Variants in RANGAP1 observed in about 807,000 individuals in gnomAD.
RANGAP1 encodes ran GTPase-activating protein 1.
Under a neutral mutation model 63.5 loss-of-function variants are expected in RANGAP1, and 38 were observed. That is an observed-to-expected ratio of 0.60 (90% CI 0.46 to 0.78). The LOEUF (loss-of-function observed/expected upper bound fraction) is 0.78. RANGAP1 is among the 30% of genes least tolerant of loss of function. RANGAP1 has a pLI of 0.00. For missense variants in RANGAP1, 630 were observed against 740.3 expected (o/e 0.85, Z 1.73); for synonymous variants, 329 against 310.5 (o/e 1.06, Z -0.63).
At chr22:41,299,908 C>T in the RANGAP1 span, among the ~76,000 whole-genome samples, 8,534 of 151,960 alleles carry the variant, frequency 0.056, 797 homozygotes, top group African/African-American at 0.2. Flanking sequence ...CCCGACACCA[C>T]GCCCAGCTTA....
chr22:41,293,760 CAA>C, the RANGAP1 span, among the ~76,000 whole-genome samples: 14 of 54,838 alleles, frequency 2.6e-4, no homozygotes, highest in African/African-American at 6.9e-4. Flanking sequence ...GACTCTGTCT[CAA>C]AAAAAAAAAA....
At chr22:41,276,966 C>T (rs1179131407) in intron 2 of RANGAP1, among the ~76,000 whole-genome samples, 1 of 123,902 alleles carries the variant, frequency 8.1e-6, no homozygotes, top group African/African-American at 3.1e-5. Context: ...GCCTGGGCTA[C>T]AGAGCGAGAC....
At chr22:41,280,785 T>C (rs749842786) in intron 2 of RANGAP1, 148 bp downstream of exon 2, 141 of 1,525,844 alleles carry the variant, frequency 9.2e-5, no homozygotes, top group South Asian at 7.3e-4. Flanking sequence ...CTGAGCCTCA[T>C]TGTTAGAATA....
chr22:41,300,428 T>TCACACACACACACACACACACA, the RANGAP1 span, among the ~76,000 whole-genome samples: 1 of 36,280 alleles, frequency 2.8e-5, no homozygotes, highest in East Asian at 2.9e-4. Flanking sequence ...TATTGGGAAC[T>TCACACACACACACACACACACA]CACACACACA....
chr22:41,267,171 G>C (rs1450912179), intron 4 of RANGAP1, among the ~76,000 whole-genome samples: 1 of 151,698 alleles, frequency 6.6e-6, no homozygotes, highest in African/African-American at 2.4e-5. Context: ...GAGCCACCAC[G>C]CCTGGCCAGA....
chr22:41,250,500 A>G (rs542661726), intron 13 of RANGAP1, among the ~76,000 whole-genome samples: 1 of 152,330 alleles, frequency 6.6e-6, no homozygotes, highest in African/African-American at 2.4e-5. Flanking sequence ...GGAAGGTGAC[A>G]GGTGCTGGAA....
At chr22:41,273,965 C>T (rs2034991664) in intron 3 of RANGAP1, among the ~76,000 whole-genome samples, 1 of 152,050 alleles carries the variant, frequency 6.6e-6, no homozygotes, top group Non-Finnish European at 1.5e-5. Context: ...GTAATCCCAG[C>T]TACTCAGGAG....
rs2035735383 is a variant in RANGAP1 at position 41,286,014 on chromosome 22, G to C, written c.-67C>G. On this transcript the variant is annotated 5_prime_UTR_variant, in exon 1 of 16. Coordinates refer to ENST00000356244, the MANE Select transcript of RANGAP1 (RefSeq NM_002883.4). ...AAACAGGCGGCGCCGCCGCGTGGGG[G>C]GAATCGAGCGCGCGCCTCCGCCCTC... 6.6e-6 allele frequency: 1 copy of C among 152,384 alleles called. No homozygotes were observed. Among genetic ancestry groups the C allele is most frequent in the African/African-American group, 2.4e-5 (1 of 41,462 alleles). 9.4% of individuals were successfully genotyped at this position (152,384 alleles called of 1,614,324 possible). A position where few individuals can be genotyped will look rare whatever the true frequency, so the allele number is the denominator to read the frequency against.
At chr22:41,282,868 G>GA (rs1402794566) in intron 1 of RANGAP1, among the ~76,000 whole-genome samples, 1 of 152,184 alleles carries the variant, frequency 6.6e-6, no homozygotes, top group Non-Finnish European at 1.5e-5. Flanking sequence ...AAGTAATCAG[G>GA]AGAGACCAAG....
At chr22:41,284,682 G>A (rs1029418052) in intron 1 of RANGAP1, among the ~76,000 whole-genome samples, 2 of 152,148 alleles carry the variant, frequency 1.3e-5, no homozygotes, top group Admixed American at 6.6e-5. Context: ...AACCAGCCTG[G>A]GCAGTATGCC....
At chr22:41,294,864 TC>T in the RANGAP1 span, among the ~76,000 whole-genome samples, 1 of 1,432 alleles carries the variant, frequency 7.0e-4, no homozygotes, top group Non-Finnish European at 1.4e-3. Context: ...GGCAGCCACC[TC>T]GTCCGGGAGG....
At chr22:41,254,968 T>TC (rs2033727822) in intron 10 of RANGAP1, among the ~76,000 whole-genome samples, 2 of 130,596 alleles carry the variant, frequency 1.5e-5, no homozygotes, top group Admixed American at 8.6e-5. Flanking sequence ...CGAGACTCCA[T>TC]CCCCCACAAA....
intron 15 of RANGAP1, among the ~76,000 whole-genome samples, chr22:41,246,970 G>T (rs2033080512): frequency 6.6e-6 from 1 of 152,224 alleles, no homozygotes; most frequent in Non-Finnish European, 1.5e-5. Context: ...GGCTGCCAGT[G>T]GCCACATAGG....
At chr22:41,281,470 T>C in intron 1 of RANGAP1, 1 of 996,166 alleles carries the variant, frequency 1.0e-6, no homozygotes, top group Non-Finnish European at 1.2e-6. Context: ...CTTGAGCATC[T>C]TGGCTGTTCT....
At chr22:41,287,379 TTTG>T (rs1261651974), upstream of RANGAP1, among the ~76,000 whole-genome samples, 1 of 130,864 alleles carries the variant, frequency 7.6e-6, no homozygotes, top group Non-Finnish European at 1.7e-5. Flanking sequence ...GCGTTTTTTT[TTTG>T]TTTTTTTTTT....
At chr22:41,275,818 C>T (rs2035108520) in intron 2 of RANGAP1, among the ~76,000 whole-genome samples, 1 of 150,756 alleles carries the variant, frequency 6.6e-6, no homozygotes, top group African/African-American at 2.4e-5. Context: ...TGGTGGCGTG[C>T]ACCTGTAGTC....
chr22:41,258,047 G>C lies in RANGAP1; in HGVS notation c.675C>G (p.Ile225Met), dbSNP rs1354705014. The C allele has an allele frequency of 1.2e-6, 2 of 1,613,762 alleles. No homozygotes were observed. Among genetic ancestry groups the C allele is most frequent in the Non-Finnish European group, 1.7e-6 (2 of 1,179,758 alleles). ...CAGCGAAAGCCTGGGCCAGGGCAGTGATGCCAGGGTGGTTGATCCCATTCT... is the reference window on the plus strand; with the variant it reads ...CAGCGAAAGCCTGGGCCAGGGCAGTCATGCCAGGGTGGTTGATCCCATTCT... ...MPQNGINHPG[I>M]TALAQAFAVN... Residue 225 changes from isoleucine to methionine, a missense_variant, in exon 7 of 16, where the codon ATC (isoleucine) becomes ATG (methionine). Around this residue, in one of 3 missense-constraint regions of RANGAP1, gnomAD observed 428 missense variants for 465.5 expected, o/e 0.92. Transcript: ENST00000356244.
chr22:41,279,549 G>A (rs1458646321), intron 2 of RANGAP1, among the ~76,000 whole-genome samples: 2 of 152,152 alleles, frequency 1.3e-5, no homozygotes, highest in East Asian at 1.9e-4. Flanking sequence ...GGAGGCTGAG[G>A]CATGAGAATT....
intron 15 of RANGAP1, among the ~76,000 whole-genome samples, chr22:41,248,844 C>T (rs572445118): frequency 5.3e-5 from 8 of 152,352 alleles, no homozygotes; most frequent in African/African-American, 1.9e-4. Flanking sequence ...TGGCAGCTCC[C>T]GTGGCAATGT....
Sources: gnomAD v4.1 joint callset for allele counts (sites outside exome capture counted in the v4.1 genomes callset) on GRCh38, gnomAD v4.1.1 for gene constraint, gnomAD v4.1.1 regional missense constraint, MANE v1.5 for transcripts, NCBI Gene and HGNC (gene_info 2026-07-23, HGNC 2026-07-21) for gene names.